Variants in RIMS2 observed in about 807,000 individuals in gnomAD.
The protein encoded by RIMS2 is regulating synaptic membrane exocytosis protein 2.
A neutral mutation model predicts 174.4 loss-of-function variants in RIMS2; 59 were observed. The observed-to-expected ratio is 0.34, with a 90% CI of 0.27 to 0.42. The LOEUF (loss-of-function observed/expected upper bound fraction) is 0.42, where lower values mean the gene tolerates loss of function less well. RIMS2 is among the 10% of genes least tolerant of loss of function. The pLI is 1.00. For missense variants in RIMS2, 1,620 were observed against 1,666.3 expected, an observed-to-expected ratio of 0.97 and a Z score of 0.48; for synonymous variants, 606 against 572.5, an observed-to-expected ratio of 1.06 and a Z score of -0.84.
chr8:103,573,999 A>G (rs746867233), intron 1 of RIMS2, among the ~76,000 whole-genome samples: 1 of 151,996 alleles, frequency 6.6e-6, no homozygotes, highest in Non-Finnish European at 1.5e-5. Context: ...CTGGCATGTC[A>G]GTATTGTATT....
intron 2 of RIMS2, among the ~76,000 whole-genome samples, chr8:103,746,833 AC>A (rs1196865784): frequency 6.6e-6 from 1 of 151,954 alleles, no homozygotes; most frequent in Non-Finnish European, 1.5e-5. Flanking sequence ...GGCATGTGCC[AC>A]CACACCCCGC....
intron 1 of RIMS2, among the ~76,000 whole-genome samples, chr8:103,521,795 G>T (rs1011365133): frequency 1.3e-5 from 2 of 151,530 alleles, no homozygotes; most frequent in African/African-American, 4.8e-5. Flanking sequence ...AAGATGATGA[G>T]GTTCCCAAGA....
At chr8:103,715,694 T>A (rs989364616) in intron 2 of RIMS2, among the ~76,000 whole-genome samples, 3 of 152,228 alleles carry the variant, frequency 2.0e-5, no homozygotes, top group African/African-American at 7.2e-5. Context: ...TCCACACTTA[T>A]CATATTGGGA....
At chr8:103,821,646 G>C (rs2098752384) in intron 3 of RIMS2, among the ~76,000 whole-genome samples, 1 of 151,376 alleles carries the variant, frequency 6.6e-6, no homozygotes, top group South Asian at 2.1e-4. Context: ...TTAATTTTTT[G>C]GTTATTTTTT....
At chr8:103,775,260 G>A (rs1186470369) in intron 3 of RIMS2, among the ~76,000 whole-genome samples, 1 of 151,866 alleles carries the variant, frequency 6.6e-6, no homozygotes, top group African/African-American at 2.4e-5. Flanking sequence ...AGAAAAAATA[G>A]CATAACCATG....
intron 17 of RIMS2, among the ~76,000 whole-genome samples, chr8:103,990,087 T>C (rs748625312): frequency 4.5e-4 from 68 of 152,130 alleles, no homozygotes; most frequent in Non-Finnish European, 6.9e-4. Context: ...CTCTAATTCA[T>C]GCTTTGGTTA....
intron 17 of RIMS2, among the ~76,000 whole-genome samples, chr8:103,998,497 A>G (rs993859535): frequency 7.9e-5 from 12 of 151,810 alleles, no homozygotes; most frequent in African/African-American, 2.7e-4. Context: ...AATTTAGTTC[A>G]TCAGGAATTA....
intron 2 of RIMS2, among the ~76,000 whole-genome samples, chr8:103,736,595 G>T (rs1030534209): frequency 2.0e-5 from 3 of 152,076 alleles, no homozygotes; most frequent in Non-Finnish European, 4.4e-5. Flanking sequence ...GTTATGAATT[G>T]GCTGGCGTGA....
chr8:104,225,025 A>G lies in RIMS2; in HGVS notation c.3335-19891A>G, dbSNP rs542826249. On this transcript the variant is annotated intron_variant, in intron 19 of 23. Coordinates refer to ENST00000504942, the Ensembl canonical transcript of RIMS2. ...TACGTTTACGTTTCACTTGCTTCCT[A>G]TAATTAAATATTTAAAATTCTAGGA... Among the ~76,000 whole-genome samples the G allele has an allele frequency of 1.6e-4, 24 of 152,326 alleles. 1 individual carries two copies. In the East Asian group the frequency reaches 3.7e-3, roughly 23 times the overall value.
chr8:103,638,954 G>A (rs765467914), intron 1 of RIMS2, among the ~76,000 whole-genome samples: 2 of 151,786 alleles, frequency 1.3e-5, no homozygotes, highest in South Asian at 4.2e-4. Flanking sequence ...GCGTGATTTT[G>A]TACTGATATG....
In RIMS2 at chr8:103,643,304, A is replaced by G. The variant is rs146242143; in HGVS notation, c.177-53782A>G. 2.3e-3 allele frequency among the ~76,000 whole-genome samples: 351 copies of G among 151,976 alleles called. 6 individuals carry two copies. The highest frequency in any genetic ancestry group is 0.022 in the East Asian group (116 of 5,166). The stretch of plus-strand genomic sequence containing the variant: ...CTCTCTTTGCTCATAGTACCGGTGT[A>G]TTCTTGCATGTTGTCTACGTTTTAC... On this transcript the variant is annotated intron_variant, in intron 1 of 23. Coordinates refer to ENST00000504942, the Ensembl canonical transcript of RIMS2.
At position 103,617,400 on chromosome 8, in the gene RIMS2, T is replaced by A. The variant is rs2095530692; in HGVS notation, c.177-79686T>A. 1.3e-5 allele frequency among the ~76,000 whole-genome samples: 2 copies of A among 152,026 alleles called. 1 individual carries two copies. The highest frequency in any genetic ancestry group is 4.1e-4 in the South Asian group (2 of 4,828). ...GACTTAAATGTGAAACCCAAAACTATAAAAACCCTGGAAGAAAACCTAGGC... is the reference window on the plus strand; with the variant it reads ...GACTTAAATGTGAAACCCAAAACTAAAAAAACCCTGGAAGAAAACCTAGGC... On this transcript the variant is annotated intron_variant, in intron 1 of 23. Transcript: ENST00000504942.
chr8:103,528,357 T>C lies in RIMS2; in HGVS notation c.176+27295T>C, dbSNP rs368892462. On this transcript the variant is annotated intron_variant, in intron 1 of 23. Coordinates refer to ENST00000504942, the Ensembl canonical transcript of RIMS2. ...TCTGTAGGTTGCCTGTTCTCTCTGA[T>C]GGTAGTTTCTTTTGCTGTGCAGAAG... 5.9e-5 allele frequency among the ~76,000 whole-genome samples: 9 copies of C among 152,274 alleles called. No homozygotes were observed. In the East Asian group the frequency reaches 9.7e-4, roughly 16 times the overall value.
chr8:103,697,872 A>G (rs571485386), intron 2 of RIMS2, among the ~76,000 whole-genome samples: 80 of 152,120 alleles, frequency 5.3e-4, no homozygotes, highest in Non-Finnish European at 9.6e-4. Flanking sequence ...TAAAAATACA[A>G]GAGTTAGCTG....
chr8:104,078,710 A>G (rs1294498286), intron 19 of RIMS2, among the ~76,000 whole-genome samples: 1 of 152,236 alleles, frequency 6.6e-6, no homozygotes, highest in Non-Finnish European at 1.5e-5. Flanking sequence ...TTGTGAAAGC[A>G]TATTTGATTA....
At chr8:104,154,613 T>C (rs2134252973) in intron 19 of RIMS2, among the ~76,000 whole-genome samples, 1 of 152,296 alleles carries the variant, frequency 6.6e-6, no homozygotes, top group Non-Finnish European at 1.5e-5. Flanking sequence ...AAGAAGAGCT[T>C]TGTTTTTTAA....
intron 19 of RIMS2, among the ~76,000 whole-genome samples, chr8:104,083,029 T>G (rs2097454649): frequency 6.6e-6 from 1 of 152,180 alleles, no homozygotes; most frequent in South Asian, 2.1e-4. Flanking sequence ...CTTTGACTGT[T>G]GGCTCCATCC....
chr8:103,707,526 G>A (rs945963411), intron 2 of RIMS2, among the ~76,000 whole-genome samples: 1 of 152,166 alleles, frequency 6.6e-6, no homozygotes, highest in African/African-American at 2.4e-5. Flanking sequence ...AAATCCTCGC[G>A]ATCCAGCCCT....
chr8:103,958,416 G>A (rs538561418), intron 14 of RIMS2, among the ~76,000 whole-genome samples: 3 of 152,196 alleles, frequency 2.0e-5, no homozygotes, highest in Non-Finnish European at 4.4e-5. Flanking sequence ...GGTGGAGGGT[G>A]GGAGGATAGA....
Sources: allele counts gnomAD v4.1 joint callset (sites outside exome capture counted in the v4.1 genomes callset), GRCh38; gene constraint gnomAD v4.1.1; transcripts MANE v1.5; gene names NCBI Gene and HGNC (gene_info 2026-07-23, HGNC 2026-07-21).